Variants in KIAA1328 observed in about 807,000 individuals in gnomAD.
The protein encoded by KIAA1328 is KIAA1328.
In KIAA1328, 52 loss-of-function variants were observed where a neutral mutation model predicts 68.1. That is an observed-to-expected ratio of 0.76 (90% CI 0.61 to 0.96). KIAA1328 has a LOEUF of 0.96. KIAA1328 is among the 40% of genes least tolerant of loss of function. KIAA1328 has a pLI of 0.00. For synonymous variants in KIAA1328, 232 were observed against 239.4 expected (o/e 0.97, Z 0.28); for missense variants, 641 against 677.6 (o/e 0.95, Z 0.60).
intron 6 of KIAA1328, among the ~76,000 whole-genome samples, chr18:37,058,130 A>G (rs1397776411): frequency 1.3e-5 from 2 of 152,132 alleles, no homozygotes. Flanking sequence ...TGTAGGGGCT[A>G]CATGTGGAAT....
intron 9 of KIAA1328, among the ~76,000 whole-genome samples, chr18:37,176,705 G>T (rs561381857): frequency 6.6e-6 from 1 of 152,296 alleles, no homozygotes; most frequent in East Asian, 1.9e-4. Context: ...GTGAGCCTTG[G>T]CTCTAAAAGA....
chr18:37,087,555 C>G (rs1324091700), intron 7 of KIAA1328, among the ~76,000 whole-genome samples: 1 of 152,128 alleles, frequency 6.6e-6, no homozygotes, highest in Non-Finnish European at 1.5e-5. Context: ...CCACAAATGT[C>G]TGATGATCCA....
At chr18:36,878,745 A>G (rs1193363687) in intron 4 of KIAA1328, among the ~76,000 whole-genome samples, 1 of 151,794 alleles carries the variant, frequency 6.6e-6, no homozygotes, top group African/African-American at 2.4e-5. Flanking sequence ...TCTTGTCTTC[A>G]TGCTTTATTT....
At chr18:36,872,296 G>A (rs1240646643) in intron 4 of KIAA1328, among the ~76,000 whole-genome samples, 1 of 152,142 alleles carries the variant, frequency 6.6e-6, no homozygotes. Context: ...AGTCTGATTA[G>A]CACAGGCCTG....
At chr18:36,978,325 C>A (rs1280327248) in intron 6 of KIAA1328, among the ~76,000 whole-genome samples, 3 of 152,156 alleles carry the variant, frequency 2.0e-5, no homozygotes, top group Admixed American at 6.6e-5. Flanking sequence ...AATTTCCAGA[C>A]TCCCAGAGGG....
intron 6 of KIAA1328, among the ~76,000 whole-genome samples, chr18:36,993,797 A>G (rs2053283458): frequency 6.6e-6 from 1 of 152,120 alleles, no homozygotes; most frequent in Non-Finnish European, 1.5e-5. Context: ...TGGGGGTAAC[A>G]CTAAGATGAT....
chr18:37,179,247 CTGA>C (rs1353215273), intron 9 of KIAA1328, among the ~76,000 whole-genome samples: 8 of 152,122 alleles, frequency 5.3e-5, no homozygotes, highest in Non-Finnish European at 1.0e-4. Flanking sequence ...ATTTTTGTAT[CTGA>C]TGAGAGATAG....
At chr18:36,998,944 T>C (rs2053492418) in intron 6 of KIAA1328, among the ~76,000 whole-genome samples, 1 of 152,088 alleles carries the variant, frequency 6.6e-6, no homozygotes, top group Non-Finnish European at 1.5e-5. Context: ...AAAGAAGTTA[T>C]CAAAATCCCA....
intron 6 of KIAA1328, among the ~76,000 whole-genome samples, chr18:37,041,933 C>A (rs1030509235): frequency 1.8e-4 from 28 of 151,962 alleles, no homozygotes; most frequent in African/African-American, 6.5e-4. Context: ...GCTCTGTCAC[C>A]CAGCCTGGAG....
intron 9 of KIAA1328, among the ~76,000 whole-genome samples, chr18:37,219,129 G>A (rs994210776): frequency 6.6e-6 from 1 of 152,210 alleles, no homozygotes; most frequent in Non-Finnish European, 1.5e-5. Context: ...GTTTGCCTGG[G>A]TGTCACCAGC....
intron 9 of KIAA1328, among the ~76,000 whole-genome samples, chr18:37,194,588 GT>G (rs1201354106): frequency 6.6e-6 from 1 of 152,068 alleles, no homozygotes; most frequent in Admixed American, 6.5e-5. Flanking sequence ...CTTTCAACTG[GT>G]TATAGATTTA....
chr18:36,962,885 A>G lies in KIAA1328; in HGVS notation c.576+3450A>G, dbSNP rs1568222587. ...AAAGCAGGAAAGATCTAAAATTGAC[A>G]CCCTAACTTCACAATTAAAAGACCT... On this transcript the variant is annotated intron_variant, in intron 6 of 9. Coordinates refer to ENST00000280020, the MANE Select transcript of KIAA1328 (RefSeq NM_020776.3). 2.0e-5 allele frequency among the ~76,000 whole-genome samples: 3 copies of G among 152,220 alleles called. No homozygotes were observed. The South Asian group carries it at 6.2e-4, about 32-fold the overall frequency.
At chr18:37,107,362 C>T (rs190381197) in intron 7 of KIAA1328, among the ~76,000 whole-genome samples, 1 of 152,234 alleles carries the variant, frequency 6.6e-6, no homozygotes, top group African/African-American at 2.4e-5. Context: ...CTTTATGAGA[C>T]CTATGTCCTG....
chr18:37,206,894 T>C (rs1047641033), intron 9 of KIAA1328, among the ~76,000 whole-genome samples: 8 of 152,154 alleles, frequency 5.3e-5, no homozygotes, highest in African/African-American at 1.9e-4. Flanking sequence ...TTCAAACCTT[T>C]GAAAATAATA....
chr18:37,160,138 T>C, intron 7 of KIAA1328, 62 bp from the exon 8 acceptor site: 6 of 1,329,116 alleles, frequency 4.5e-6, no homozygotes, highest in Non-Finnish European at 6.1e-6. Flanking sequence ...TGAATTTAAA[T>C]ATCTATGTGC....
rs561897317 is a variant in KIAA1328 at position 36,988,777 on chromosome 18, A to G, written c.576+29342A>G. ...TAATTTTTACAACTTACTGTTACCT[A>G]TACATGTATCATCCTATACATATAA... is the stretch of plus-strand genomic sequence containing the variant. On this transcript the variant is annotated intron_variant, in intron 6 of 9. Transcript: ENST00000280020. Among the ~76,000 whole-genome samples, 61 of 152,276 alleles carry G rather than the reference A, an allele frequency of 4.0e-4. 1 individual carries two copies. In the Middle Eastern group the frequency reaches 0.02, roughly 51 times the overall value.
At chr18:37,198,944 G>A (rs1485953341) in intron 9 of KIAA1328, among the ~76,000 whole-genome samples, 1 of 152,144 alleles carries the variant, frequency 6.6e-6, no homozygotes, top group African/African-American at 2.4e-5. Context: ...ACCTGATTTT[G>A]TTTGCTTGTT....
chr18:36,971,801 A>C, intron 6 of KIAA1328, among the ~76,000 whole-genome samples: 1 of 152,176 alleles, frequency 6.6e-6, no homozygotes, highest in South Asian at 2.1e-4. Context: ...GTGGGAGCTA[A>C]ATATAAGAAT....
chr18:36,987,675 G>C (rs921737515), intron 6 of KIAA1328, among the ~76,000 whole-genome samples: 1 of 151,948 alleles, frequency 6.6e-6, no homozygotes, highest in South Asian at 2.1e-4. Context: ...GATTACAGGG[G>C]ACACAAGGAG....
Sources: gnomAD v4.1 joint callset for allele counts (sites outside exome capture counted in the v4.1 genomes callset) on GRCh38, gnomAD v4.1.1 for gene constraint, MANE v1.5 for transcripts, NCBI Gene and HGNC (gene_info 2026-07-23, HGNC 2026-07-21) for gene names.